MERTK: variants seen among roughly 807,000 people sequenced by gnomAD.
MERTK encodes MER proto-oncogene, tyrosine kinase.
MERTK carries 69 observed loss-of-function variants against 99.3 expected under a neutral mutation model. That is an observed-to-expected ratio of 0.70 (90% confidence interval 0.57 to 0.85). MERTK has a LOEUF of 0.85. Among genes scored for constraint, MERTK ranks in the 40% least tolerant of loss-of-function variants. The probability of loss-of-function intolerance (pLI) is 0.00; values close to 1 mark genes in which losing one functional copy is unlikely to be tolerated. For missense variants in MERTK, 1,125 were observed against 1,249.4 expected (o/e 0.90, Z 1.50); for synonymous variants, 426 against 467.6 (o/e 0.91, Z 1.15).
chr2:111,918,273 G>C (rs1349327847), intron 1 of MERTK, among the ~76,000 whole-genome samples: 1 of 152,188 alleles, frequency 6.6e-6, no homozygotes, highest in Non-Finnish European at 1.5e-5. Flanking sequence ...CAAACTTCTT[G>C]CTAACAGGTC....
chr2:112,024,838 G>A (rs982520856), intron 18 of MERTK: 15 of 153,182 alleles, frequency 9.8e-5, no homozygotes, highest in African/African-American at 3.6e-4. Flanking sequence ...GCTGAGGTGG[G>A]AGGATCACTT....
At chr2:111,956,945 T>C (rs983825517) in intron 4 of MERTK, among the ~76,000 whole-genome samples, 33 of 141,908 alleles carry the variant, frequency 2.3e-4, no homozygotes, top group Non-Finnish European at 4.4e-4. Context: ...TTTTTCTTTT[T>C]TCTTTTTTTT....
chr2:111,909,553 T>G (rs571006772), intron 1 of MERTK, among the ~76,000 whole-genome samples: 1 of 152,258 alleles, frequency 6.6e-6, no homozygotes, highest in East Asian at 1.9e-4. Flanking sequence ...TGGATTCACT[T>G]AGATTAAGTA....
intron 2 of MERTK, among the ~76,000 whole-genome samples, chr2:111,944,523 T>C (rs1344320479): frequency 1.3e-5 from 2 of 152,304 alleles, no homozygotes; most frequent in East Asian, 1.9e-4. Context: ...TTCCTCTGTT[T>C]TAAGGAATTA....
chr2:111,936,667 T>C (rs987359476), intron 2 of MERTK, among the ~76,000 whole-genome samples: 7 of 152,208 alleles, frequency 4.6e-5, no homozygotes, highest in African/African-American at 1.7e-4. Context: ...CTCGAGAGCA[T>C]TCACCTGGCC....
At chr2:111,930,478 C>A (rs371846584) in intron 2 of MERTK, 393 of 150,344 alleles carry the variant, frequency 2.6e-3, no homozygotes, top group South Asian at 6.5e-3. Context: ...AAAAAAAAAA[C>A]CCCCAAAAAA....
At chr2:111,992,218 A>G (rs1036013233) in intron 8 of MERTK, among the ~76,000 whole-genome samples, 7 of 152,208 alleles carry the variant, frequency 4.6e-5, no homozygotes, top group African/African-American at 1.2e-4. Flanking sequence ...CGCTCAGTCT[A>G]ATAGTACTAG....
chr2:111,915,432 T>TAAA (rs1337602779), intron 1 of MERTK, among the ~76,000 whole-genome samples: 2 of 152,092 alleles, frequency 1.3e-5, no homozygotes, highest in African/African-American at 4.8e-5. Flanking sequence ...GCTCTTTCCC[T>TAAA]GTGTTCTAAA....
intron 2 of MERTK, among the ~76,000 whole-genome samples, chr2:111,934,454 T>C (rs1384622866): frequency 1.3e-5 from 2 of 152,276 alleles, no homozygotes; most frequent in Non-Finnish European, 2.9e-5. Context: ...GGTTTTGATT[T>C]ACATTTCTCC....
intron 2 of MERTK, among the ~76,000 whole-genome samples, chr2:111,935,770 A>G (rs1311911081): frequency 6.6e-6 from 1 of 152,058 alleles, no homozygotes; most frequent in African/African-American, 2.4e-5. Flanking sequence ...AATGGCTTAT[A>G]ATTGCAACTC....
intron 2 of MERTK, 85 bp downstream of exon 2, chr2:111,929,625 A>G: frequency 2.2e-6 from 2 of 894,510 alleles, no homozygotes; most frequent in Non-Finnish European, 3.1e-6. Flanking sequence ...ATCATTCTGT[A>G]GCCCAGGCTG....
rs1436991521 is a variant in MERTK at position 112,020,515 on chromosome 2, CTCT to C, written c.2190-904_2190-902del. On this transcript the variant is annotated intron_variant, in intron 16 of 18. Coordinates refer to ENST00000295408, the MANE Select transcript of MERTK (RefSeq NM_006343.3). The stretch of plus-strand genomic sequence containing the variant: ...TCTCTTCCTTTTATTCTTTCTTCTC[CTCT>C]TCCTTCTTCTTGTGTAGGAGCTGTT... The C allele has an allele frequency of 1.5e-5, 7 of 459,426 alleles. No individual in the cohort carries two copies. The Admixed American group carries it at 1.7e-4, about 11-fold the overall frequency. The allele number at this position is 459,426 out of a possible 1,614,324, so 28.5% of individuals were successfully genotyped here. A position where few individuals can be genotyped will look rare whatever the true frequency, so the allele number is the denominator to read the frequency against.
chr2:111,964,678 G>A lies in MERTK; in HGVS notation c.758-513G>A, dbSNP rs143986994. Among the ~76,000 whole-genome samples the A allele has an allele frequency of 6.4e-3, 966 of 152,094 alleles. 13 individuals are homozygous for A. Among genetic ancestry groups the A allele is most frequent in the African/African-American group, 0.022 (931 of 41,480 alleles). On this transcript the variant is annotated intron_variant, in intron 4 of 18. Transcript: ENST00000295408. ...TGTCTTCTCTTCGATTAGTTATAAC[G>A]CCTTGCATTTATATGATGCATCCTT...
At chr2:111,968,961 A>G (rs1676019077) in intron 6 of MERTK, among the ~76,000 whole-genome samples, 1 of 152,202 alleles carries the variant, frequency 6.6e-6, no homozygotes, top group Admixed American at 6.5e-5. Flanking sequence ...AGGACAAGAT[A>G]GGTCGTCTGT....
intron 2 of MERTK, among the ~76,000 whole-genome samples, chr2:111,944,668 G>C (rs1461998707): frequency 1.3e-5 from 2 of 152,140 alleles, no homozygotes; most frequent in Admixed American, 6.5e-5. Flanking sequence ...GGGGACCTCT[G>C]TCTTTTTCTT....
At chr2:112,023,264 A>G (rs957440474) in intron 18 of MERTK, among the ~76,000 whole-genome samples, 8 of 152,106 alleles carry the variant, frequency 5.3e-5, no homozygotes, top group Admixed American at 5.2e-4. Context: ...AATACAAAAA[A>G]TTAGCCGGGT....
chr2:111,995,262 T>C (rs1460644004), intron 9 of MERTK: 1 of 156,266 alleles, frequency 6.4e-6, no homozygotes, highest in African/African-American at 2.4e-5. Flanking sequence ...TGCTGGAATG[T>C]CCTTTGGCAC....
intron 4 of MERTK, among the ~76,000 whole-genome samples, chr2:111,958,171 G>C (rs1045910276): frequency 6.6e-6 from 1 of 152,126 alleles, no homozygotes; most frequent in Non-Finnish European, 1.5e-5. Flanking sequence ...TCCAGTGCCC[G>C]GGGCCATTCA....
At chr2:111,947,893 T>TG (rs1684989903) in intron 4 of MERTK, among the ~76,000 whole-genome samples, 1 of 152,148 alleles carries the variant, frequency 6.6e-6, no homozygotes, top group South Asian at 2.1e-4. Flanking sequence ...TGTCAGGTCT[T>TG]GCGTTTATGG....
Sources: allele counts gnomAD v4.1 joint callset (sites outside exome capture counted in the v4.1 genomes callset), GRCh38; gene constraint gnomAD v4.1.1; transcripts MANE v1.5; gene names NCBI Gene and HGNC (gene_info 2026-07-23, HGNC 2026-07-21).